The following SUGCT variants were observed in gnomAD, a reference collection of about 807,000 sequenced individuals.
SUGCT encodes the protein succinyl-CoA:glutarate-CoA transferase, also known as succinyl-CoA:glutarate CoA-transferase.
Under a neutral mutation model 55.0 loss-of-function variants are expected in SUGCT, and 41 were observed. The ratio of observed to expected loss-of-function variants is 0.74; its 90% CI spans 0.58 to 0.97. SUGCT has a LOEUF of 0.97. SUGCT is among the 50% of genes least tolerant of loss of function. The pLI is 0.00. For missense variants in SUGCT, 568 were observed against 547.8 expected, an observed-to-expected ratio of 1.04 and a Z score of -0.37; for synonymous variants, 187 against 200.4, an observed-to-expected ratio of 0.93 and a Z score of 0.56.
chr7:40,137,249 T>C (rs1307486437), intron 1 of SUGCT, among the ~76,000 whole-genome samples: 2 of 152,228 alleles, frequency 1.3e-5, no homozygotes, highest in East Asian at 3.9e-4. Flanking sequence ...CACGTCAGTC[T>C]CCCAAGTAGC....
intron 12 of SUGCT, among the ~76,000 whole-genome samples, chr7:40,744,012 C>T (rs1787603045): frequency 6.6e-6 from 1 of 152,108 alleles, no homozygotes; most frequent in South Asian, 2.1e-4. Context: ...ACCTCCGTCT[C>T]CTGGGTTCAA....
At chr7:41,002,017 C>T in the SUGCT span, among the ~76,000 whole-genome samples, 58 of 152,184 alleles carry the variant, frequency 3.8e-4, no homozygotes, top group African/African-American at 1.2e-3. Flanking sequence ...CATTAGACTG[C>T]GAACTTTTTT....
intron 12 of SUGCT, among the ~76,000 whole-genome samples, chr7:40,679,492 T>C (rs549334723): frequency 6.6e-6 from 1 of 152,294 alleles, no homozygotes; most frequent in South Asian, 2.1e-4. Flanking sequence ...CAAGTTTGCA[T>C]CCTACCAGAA....
In SUGCT at chr7:40,358,072, T is replaced by G. The variant is rs770489223; in HGVS notation, c.816+41217T>G. On this transcript the variant is annotated intron_variant, in intron 9 of 13. Coordinates refer to ENST00000335693, the MANE Select transcript of SUGCT (RefSeq NM_001193313.2). Reference sequence around the variant, plus strand: ...TAGATGCCCAATAAGTAGTTTTGAATAAGGCAATTATAGAAAACTTCTGGC... The same window carrying G: ...TAGATGCCCAATAAGTAGTTTTGAAGAAGGCAATTATAGAAAACTTCTGGC... Among the ~76,000 whole-genome samples, 81 of 152,244 alleles carry G rather than the reference T, an allele frequency of 5.3e-4. 1 individual carries two copies. Among genetic ancestry groups the G allele is most frequent in the Non-Finnish European group, 1.1e-3 (72 of 68,042 alleles).
In SUGCT at chr7:40,799,293, C is replaced by T. The variant is rs528002325; in HGVS notation, c.1153+49796C>T. Among the ~76,000 whole-genome samples, 12 of 152,254 alleles carry T rather than the reference C, an allele frequency of 7.9e-5. No homozygotes were observed. In the East Asian group the frequency reaches 1.9e-3, roughly 24 times the overall value. ...CCTTTTCTTTTTCTTTTTTAACTAACATCAAGGTTATTGGAAAATTTTGAT... is the reference window on the plus strand; with the variant it reads ...CCTTTTCTTTTTCTTTTTTAACTAATATCAAGGTTATTGGAAAATTTTGAT... On this transcript the variant is annotated intron_variant, in intron 13 of 13. Coordinates refer to ENST00000335693, the MANE Select transcript of SUGCT (RefSeq NM_001193313.2).
At chr7:40,427,882 C>T (rs1012834827) in intron 9 of SUGCT, among the ~76,000 whole-genome samples, 1 of 152,150 alleles carries the variant, frequency 6.6e-6, no homozygotes, top group African/African-American at 2.4e-5. Context: ...AGAAGAATGC[C>T]TATTCTGATG....
At chr7:40,357,912 G>T (rs1449019568) in intron 9 of SUGCT, among the ~76,000 whole-genome samples, 1 of 152,082 alleles carries the variant, frequency 6.6e-6, no homozygotes, top group African/African-American at 2.4e-5. Flanking sequence ...GTTGTTTGCT[G>T]ACCCCTACTG....
At chr7:41,004,405 A>AT in the SUGCT span, among the ~76,000 whole-genome samples, 1 of 152,296 alleles carries the variant, frequency 6.6e-6, no homozygotes, top group South Asian at 2.1e-4. Flanking sequence ...GTTATTTGCT[A>AT]TTTTTTGAGC....
chr7:40,891,451 C>G, the SUGCT span, among the ~76,000 whole-genome samples: 12 of 152,222 alleles, frequency 7.9e-5, no homozygotes, highest in Admixed American at 4.6e-4. Context: ...CCTCTTCAGA[C>G]TATCTACATA....
intron 6 of SUGCT, among the ~76,000 whole-genome samples, chr7:40,206,329 T>A (rs1288805697): frequency 6.6e-6 from 1 of 152,230 alleles, no homozygotes; most frequent in African/African-American, 2.4e-5. Flanking sequence ...TTTTTTCCAT[T>A]CTTTGCATGT....
chr7:40,278,398 C>A (rs988835233), intron 8 of SUGCT, among the ~76,000 whole-genome samples: 2 of 152,116 alleles, frequency 1.3e-5, no homozygotes, highest in African/African-American at 4.8e-5. Flanking sequence ...ACTAGAAATA[C>A]CATTTGACCC....
intron 13 of SUGCT, among the ~76,000 whole-genome samples, chr7:40,837,984 T>G (rs1793079014): frequency 6.6e-6 from 1 of 152,168 alleles, no homozygotes; most frequent in Admixed American, 6.5e-5. Context: ...GGTCAGTCGC[T>G]CTAGCACCAT....
At chr7:40,913,129 GC>G in the SUGCT span, among the ~76,000 whole-genome samples, 4 of 150,508 alleles carry the variant, frequency 2.7e-5, no homozygotes, top group Non-Finnish European at 4.4e-5. Flanking sequence ...TCCTGCCTCA[GC>G]CTCCCGAGTA....
intron 6 of SUGCT, among the ~76,000 whole-genome samples, chr7:40,201,817 T>C (rs1786618616): frequency 6.6e-6 from 1 of 152,070 alleles, no homozygotes; most frequent in South Asian, 2.1e-4. Flanking sequence ...CCCATACACA[T>C]ATAACAGATG....
intron 7 of SUGCT, among the ~76,000 whole-genome samples, chr7:40,258,863 G>A (rs1791019921): frequency 6.6e-6 from 1 of 152,176 alleles, no homozygotes; most frequent in South Asian, 2.1e-4. Context: ...AATCAGTAAT[G>A]TGGAAGAGAT....
At chr7:40,831,024 A>C (rs1792637856) in intron 13 of SUGCT, among the ~76,000 whole-genome samples, 1 of 152,150 alleles carries the variant, frequency 6.6e-6, no homozygotes, top group African/African-American at 2.4e-5. Flanking sequence ...ATGTCGTCTC[A>C]ATTTTGGAGA....
chr7:41,013,755 CTT>C, the SUGCT span, among the ~76,000 whole-genome samples: 2 of 140,782 alleles, frequency 1.4e-5, no homozygotes. Flanking sequence ...TTCTTTCTTT[CTT>C]TTTTTTTTTT....
chr7:40,924,440 G>C, the SUGCT span, among the ~76,000 whole-genome samples: 1 of 152,070 alleles, frequency 6.6e-6, no homozygotes, highest in South Asian at 2.1e-4. Flanking sequence ...AGTAGAGATG[G>C]GGCATTGCCA....
At chr7:40,516,192 A>G (rs377489437) in intron 12 of SUGCT, among the ~76,000 whole-genome samples, 11 of 152,128 alleles carry the variant, frequency 7.2e-5, no homozygotes, top group African/African-American at 2.4e-4. Context: ...TTGTCCTTTT[A>G]AAAATTTGGT....
Sources: gnomAD v4.1 joint callset for allele counts (sites outside exome capture counted in the v4.1 genomes callset) on GRCh38, gnomAD v4.1.1 for gene constraint, MANE v1.5 for transcripts, NCBI Gene and HGNC (gene_info 2026-07-23, HGNC 2026-07-21) for gene names.